KLF7: variants seen among roughly 807,000 people sequenced by gnomAD.
KLF7 encodes the protein KLF transcription factor 7.
Under a neutral mutation model 27.3 loss-of-function variants are expected in KLF7, and 2 were observed. The ratio of observed to expected loss-of-function variants is 0.07; its 90% CI spans 0.03 to 0.23. The LOEUF (loss-of-function observed/expected upper bound fraction) is 0.23. KLF7 is among the 10% of genes least tolerant of loss of function. The probability of loss-of-function intolerance (pLI) is 1.00; values close to 1 mark genes in which losing one functional copy is unlikely to be tolerated. For missense variants in KLF7, 221 were observed against 394.1 expected, an observed-to-expected ratio of 0.56 and a Z score of 3.72; for synonymous variants, 165 against 162.4, an observed-to-expected ratio of 1.02 and a Z score of -0.12.
rs762326269 is a variant in KLF7, at chr2:207,140,910, G to GT, written c.103-16507dup. ...AAATCCTTCAACTTTGAGACTTTTT[G>GT]TAAGTATGTAAAATAAAAGACAATG... On this transcript the variant is annotated intron_variant, in intron 1 of 3. Transcript: ENST00000309446. Among the ~76,000 whole-genome samples, 10 of 152,232 alleles carry GT rather than the reference G, an allele frequency of 6.6e-5. No individual in the cohort carries two copies. The East Asian group carries it at 1.7e-3, about 26-fold the overall frequency.
chr2:207,098,968 G>GA (rs773925839), intron 2 of KLF7, among the ~76,000 whole-genome samples: 16 of 151,186 alleles, frequency 1.1e-4, no homozygotes, highest in African/African-American at 3.2e-4. Context: ...AGAATGAAGA[G>GA]AAAAAAAATC....
intron 1 of KLF7, among the ~76,000 whole-genome samples, chr2:207,137,460 C>T (rs567858088): frequency 2.0e-5 from 3 of 152,204 alleles, no homozygotes; most frequent in Non-Finnish European, 2.9e-5. Flanking sequence ...GCTTTTCCTT[C>T]CCTCCCACTC....
At chr2:207,099,647 T>C (rs1456634538) in intron 2 of KLF7, among the ~76,000 whole-genome samples, 3 of 143,106 alleles carry the variant, frequency 2.1e-5, no homozygotes, top group Admixed American at 6.9e-5. Flanking sequence ...TAAGATCTGC[T>C]TCTGGAAGCT....
chr2:207,116,669 A>T (rs1312613652), intron 2 of KLF7, among the ~76,000 whole-genome samples: 1 of 152,182 alleles, frequency 6.6e-6, no homozygotes, highest in East Asian at 1.9e-4. Flanking sequence ...CAATTTATTA[A>T]AAGGAACAGT....
upstream of KLF7, chr2:207,167,226 A>T: frequency 8.4e-7 from 1 of 1,193,528 alleles, no homozygotes; most frequent in African/African-American, 1.6e-5. Context: ...GGATGTAGAC[A>T]TAGAGAGATC....
chr2:207,110,678 T>A (rs191974340), intron 2 of KLF7, among the ~76,000 whole-genome samples: 93 of 152,280 alleles, frequency 6.1e-4, no homozygotes, highest in African/African-American at 2.1e-3. Flanking sequence ...AGGTTAAGCA[T>A]TTAGTGGAGG....
intron 1 of KLF7, among the ~76,000 whole-genome samples, chr2:207,139,486 T>A (rs933662546): frequency 1.7e-4 from 24 of 137,336 alleles, no homozygotes; most frequent in African/African-American, 6.8e-4. Context: ...CCACTAACAA[T>A]TAGGTTTTTT....
upstream of KLF7, among the ~76,000 whole-genome samples, chr2:207,172,188 T>G (rs1325795079): frequency 6.6e-6 from 1 of 152,098 alleles, no homozygotes; most frequent in Non-Finnish European, 1.5e-5. Flanking sequence ...CCATAAAACC[T>G]AAGAAGGTCA....
chr2:207,167,123 T>C (rs2078739456), upstream of KLF7: 3 of 1,434,034 alleles, frequency 2.1e-6, no homozygotes, highest in East Asian at 5.9e-5. Flanking sequence ...AGGGGGCCTT[T>C]ACGTGATGAG....
intron 2 of KLF7, among the ~76,000 whole-genome samples, chr2:207,102,559 C>T (rs985334198): frequency 7.9e-5 from 12 of 152,162 alleles, no homozygotes; most frequent in Non-Finnish European, 1.3e-4. Context: ...AGCCATTCCA[C>T]AGAAACCTAG....
intron 2 of KLF7, among the ~76,000 whole-genome samples, chr2:207,094,327 T>G (rs2076578088): frequency 6.6e-6 from 1 of 152,250 alleles, no homozygotes; most frequent in Admixed American, 6.5e-5. Flanking sequence ...AGATTTCTGT[T>G]AAGACTAATT....
At chr2:207,092,365 C>T (rs778176987) in intron 2 of KLF7, among the ~76,000 whole-genome samples, 29 of 152,216 alleles carry the variant, frequency 1.9e-4, no homozygotes, top group Non-Finnish European at 3.7e-4. Context: ...CCACAGCTCA[C>T]AATGCTGGAG....
chr2:207,160,965 G>C (rs927283412), intron 1 of KLF7, among the ~76,000 whole-genome samples: 8 of 152,154 alleles, frequency 5.3e-5, no homozygotes, highest in Non-Finnish European at 1.0e-4. Flanking sequence ...AGTGGGGGTG[G>C]GAAGTTCATG....
intron 1 of KLF7, among the ~76,000 whole-genome samples, chr2:207,130,513 T>G (rs182701546): frequency 2.0e-5 from 3 of 152,250 alleles, no homozygotes; most frequent in Non-Finnish European, 4.4e-5. Flanking sequence ...TTTTCTCATA[T>G]GGCAGATATG....
At chr2:207,141,934 G>A (rs565333266) in intron 1 of KLF7, among the ~76,000 whole-genome samples, 128 of 152,114 alleles carry the variant, frequency 8.4e-4, no homozygotes, top group Middle Eastern at 3.4e-3. Context: ...AAATAATGAT[G>A]AGCTGCACTT....
intron 2 of KLF7, among the ~76,000 whole-genome samples, chr2:207,119,580 A>G (rs2077281200): frequency 6.6e-6 from 1 of 152,232 alleles, no homozygotes; most frequent in Admixed American, 6.5e-5. Context: ...AAAGAAAAAT[A>G]TATGAAGACC....
At position 207,096,374 on chromosome 2, in the gene KLF7, G is replaced by A. The variant is rs574197822; in HGVS notation, c.734-7793C>T. Among the ~76,000 whole-genome samples the A allele has an allele frequency of 1.1e-3, 164 of 152,316 alleles. 2 individuals are homozygous for A. Among genetic ancestry groups the A allele is most frequent in the African/African-American group, 3.9e-3 (161 of 41,576 alleles). The stretch of plus-strand genomic sequence containing the variant: ...TCCTCCCTGTTGCTGCATCGCATCA[G>A]GATCACCTGAGGCACTTATTAAAAA... On this transcript the variant is annotated intron_variant, in intron 2 of 3. Coordinates refer to ENST00000309446, the MANE Select transcript of KLF7 (RefSeq NM_003709.4).
chr2:207,136,313 CTT>C (rs1392548169), intron 1 of KLF7, among the ~76,000 whole-genome samples: 1 of 152,178 alleles, frequency 6.6e-6, no homozygotes, highest in Admixed American at 6.5e-5. Context: ...TGACCTTACT[CTT>C]TTCTACTCCT....
chr2:207,153,813 G>A (rs1302966246), intron 1 of KLF7, among the ~76,000 whole-genome samples: 1 of 152,170 alleles, frequency 6.6e-6, no homozygotes, highest in Non-Finnish European at 1.5e-5. Context: ...CCTCCTGCTA[G>A]CCAATGGGAC....
Sources: gnomAD v4.1 joint callset for allele counts (sites outside exome capture counted in the v4.1 genomes callset) on GRCh38, gnomAD v4.1.1 for gene constraint, MANE v1.5 for transcripts, NCBI Gene and HGNC (gene_info 2026-07-23, HGNC 2026-07-21) for gene names.